The following GRIA2 variants were observed in gnomAD, a reference collection of about 807,000 sequenced individuals.
The protein encoded by GRIA2 is glutamate receptor 2.
A neutral mutation model predicts 97.3 loss-of-function variants in GRIA2; 14 were observed. The observed-to-expected ratio is 0.14, with a 90% confidence interval of 0.10 to 0.23. The LOEUF is 0.23. Among genes scored for constraint, GRIA2 ranks in the 10% least tolerant of loss-of-function variants. The pLI, the probability that GRIA2 is intolerant of heterozygous loss-of-function variation, is 1.00. For missense variants in GRIA2, 558 were observed against 1,069.8 expected (o/e 0.52, Z 6.67); for synonymous variants, 412 against 387.8 (o/e 1.06, Z -0.73).
At position 157,234,433 on chromosome 4, in the gene GRIA2, C is replaced by T. The variant is rs992895489; in HGVS notation, c.229+12626C>T. ...AATACTAGTGAACATGTACATTTTA[C>T]AAGAATTTTGATGTGTTCTTGATCC... On this transcript the variant is annotated intron_variant, in intron 2 of 15. Coordinates refer to ENST00000264426, the MANE Select transcript of GRIA2 (RefSeq NM_001083619.3). 2.0e-5 allele frequency among the ~76,000 whole-genome samples: 3 copies of T among 151,994 alleles called. 1 individual carries two copies. Among genetic ancestry groups the T allele is most frequent in the Admixed American group, 2.0e-4 (3 of 15,248 alleles).
chr4:157,307,436 C>A (rs1487040882), intron 3 of GRIA2, among the ~76,000 whole-genome samples: 4 of 152,140 alleles, frequency 2.6e-5, no homozygotes, highest in Non-Finnish European at 5.9e-5. Context: ...AGCTGAAACT[C>A]TGCATCTGGT....
chr4:157,321,692 G>C, intron 6 of GRIA2, 93 bp downstream of exon 6: 1 of 798,474 alleles, frequency 1.3e-6, no homozygotes, highest in Non-Finnish European at 2.0e-6. Context: ...ATAATAAAGG[G>C]AGTAGAGAGC....
intron 2 of GRIA2, among the ~76,000 whole-genome samples, chr4:157,296,783 T>C (rs762148646): frequency 1.3e-5 from 2 of 152,098 alleles, no homozygotes; most frequent in Non-Finnish European, 2.9e-5. Context: ...CTGGAAGAAT[T>C]GGTAGTTATT....
chr4:157,220,644 GTGTGTGTA>G (rs1045963804), upstream of GRIA2: 4 of 51,094 alleles, frequency 7.8e-5, no homozygotes, highest in Non-Finnish European at 1.3e-4. Flanking sequence ...GTGTGTGTGC[GTGTGTGTA>G]TGTGTGTGTG....
At position 157,253,276 on chromosome 4, in the gene GRIA2, C is replaced by A. The variant is rs564237332; in HGVS notation, c.229+31469C>A. Among the ~76,000 whole-genome samples the A allele has an allele frequency of 1.1e-4, 16 of 152,106 alleles. 2 individuals are homozygous for A. In the South Asian group the frequency reaches 3.3e-3, roughly 32 times the overall value. On this transcript the variant is annotated intron_variant, in intron 2 of 15. Transcript: ENST00000264426. Reference sequence around the variant, plus strand: ...GGATCACAGGCACACACCACCACACCTAGCTAATTTTTGTATTTTTGGTAG... The same window carrying A: ...GGATCACAGGCACACACCACCACACATAGCTAATTTTTGTATTTTTGGTAG...
intron 11 of GRIA2, among the ~76,000 whole-genome samples, chr4:157,340,233 A>T (rs919332497): frequency 1.3e-5 from 2 of 152,038 alleles, no homozygotes; most frequent in African/African-American, 4.8e-5. Flanking sequence ...TAGAACTATC[A>T]CTTGTTCACA....
intron 12 of GRIA2, chr4:157,342,489 G>A (rs1033299659): frequency 1.4e-5 from 14 of 978,534 alleles, no homozygotes; most frequent in Non-Finnish European, 1.7e-5. Context: ...CTCAATATAA[G>A]TGCAAAAATG....
chr4:157,224,405 T>C (rs1260882304), intron 2 of GRIA2, among the ~76,000 whole-genome samples: 1 of 152,122 alleles, frequency 6.6e-6, no homozygotes, highest in Non-Finnish European at 1.5e-5. Context: ...TGGATAGAAA[T>C]TTCTGGGGCT....
chr4:157,221,048 A>G lies in GRIA2; in HGVS notation c.6A>G (p.Gln2=). ...ATGCTCTACTTTTCTTGGAAATGCAAAAGATTATGCATATTTCTGTCCTCC... is the reference window on the plus strand; with the variant it reads ...ATGCTCTACTTTTCTTGGAAATGCAGAAGATTATGCATATTTCTGTCCTCC... M[Q]KIMHISVLLS... is the part of the protein sequence containing the mutation. Residue 2 remains glutamine (Q), a synonymous_variant, in exon 1 of 16, where the codon CAA becomes CAG. Coordinates refer to ENST00000264426, the MANE Select transcript of GRIA2 (RefSeq NM_001083619.3). 3.8e-6 allele frequency: 6 copies of G among 1,558,872 alleles called. No individual in the cohort carries two copies. Among genetic ancestry groups the G allele is most frequent in the Non-Finnish European group, 5.3e-6 (6 of 1,129,604 alleles).
intron 2 of GRIA2, among the ~76,000 whole-genome samples, chr4:157,282,038 A>G (rs1300837290): frequency 2.0e-5 from 3 of 152,146 alleles, no homozygotes; most frequent in Non-Finnish European, 2.9e-5. Flanking sequence ...CAGTTATGCC[A>G]ATGTTTTCAC....
At chr4:157,315,431 A>T (rs62331552) in intron 4 of GRIA2, among the ~76,000 whole-genome samples, 4,114 of 151,282 alleles carry the variant, frequency 0.027, 74 homozygotes, top group Non-Finnish European at 0.04. Flanking sequence ...TTTTTTCAAG[A>T]CAACAGAGAT....
chr4:157,289,889 C>G (rs1181857952), intron 2 of GRIA2, among the ~76,000 whole-genome samples: 1 of 151,754 alleles, frequency 6.6e-6, no homozygotes, highest in Non-Finnish European at 1.5e-5. Context: ...TTTTTATTGT[C>G]TATTGAAATG....
At chr4:157,277,854 GTA>G (rs1170341777) in intron 2 of GRIA2, among the ~76,000 whole-genome samples, 27 of 136,238 alleles carry the variant, frequency 2.0e-4, no homozygotes, top group African/African-American at 5.8e-4. Context: ...ATGTATATAT[GTA>G]TATATATGTA....
In GRIA2 at chr4:157,263,191, T is replaced by C. The variant is rs1159211379; in HGVS notation, c.230-40361T>C. 2.6e-5 allele frequency among the ~76,000 whole-genome samples: 4 copies of C among 152,120 alleles called. No homozygotes were observed. In the East Asian group the frequency reaches 7.7e-4, roughly 29 times the overall value. On this transcript the variant is annotated intron_variant, in intron 2 of 15. Coordinates refer to ENST00000264426, the MANE Select transcript of GRIA2 (RefSeq NM_001083619.3). ...TTTAAAGTGGTTGATATTATACCCT[T>C]GTTTTTTCCAAGGCATTCTCTTTCC...
At chr4:157,270,660 C>T (rs1297590651) in intron 2 of GRIA2, among the ~76,000 whole-genome samples, 2 of 152,166 alleles carry the variant, frequency 1.3e-5, no homozygotes, top group South Asian at 2.1e-4. Flanking sequence ...AACACACAAG[C>T]GAACTGATTG....
intron 2 of GRIA2, among the ~76,000 whole-genome samples, chr4:157,232,640 G>A (rs1438467797): frequency 1.3e-5 from 2 of 152,128 alleles, no homozygotes; most frequent in Non-Finnish European, 2.9e-5. Flanking sequence ...ATACAAGGAA[G>A]CGCTGTATAT....
chr4:157,285,661 C>T (rs1354314117), intron 2 of GRIA2, among the ~76,000 whole-genome samples: 1 of 151,228 alleles, frequency 6.6e-6, no homozygotes, highest in East Asian at 1.9e-4. Flanking sequence ...AACTTTGCTA[C>T]AATGCTACCT....
At chr4:157,271,818 C>G (rs187373726) in intron 2 of GRIA2, among the ~76,000 whole-genome samples, 67 of 152,140 alleles carry the variant, frequency 4.4e-4, no homozygotes, top group African/African-American at 1.5e-3. Context: ...AACTCATTTG[C>G]CTATAGAAAG....
chr4:157,316,347 T>TTTAAAAC (rs1468601542), intron 4 of GRIA2, among the ~76,000 whole-genome samples: 6 of 152,194 alleles, frequency 3.9e-5, no homozygotes, highest in Non-Finnish European at 8.8e-5. Flanking sequence ...GAAAACAATG[T>TTTAAAAC]AAGTTTTAAC....
Sources: allele counts gnomAD v4.1 joint callset (sites outside exome capture counted in the v4.1 genomes callset), GRCh38; gene constraint gnomAD v4.1.1; transcripts MANE v1.5; gene names NCBI Gene and HGNC (gene_info 2026-07-23, HGNC 2026-07-21).